The following PSMG4 variants were observed in gnomAD, a reference collection of about 807,000 sequenced individuals.
PSMG4 encodes the protein proteasome (prosome, macropain) assembly chaperone 4.
PSMG4 carries 10 observed loss-of-function variants against 11.0 expected under a neutral mutation model. The ratio of observed to expected loss-of-function variants is 0.91; its 90% CI spans 0.56 to 1.54. The LOEUF (loss-of-function observed/expected upper bound fraction) is 1.54, where lower values mean the gene tolerates loss of function less well. Among genes scored for constraint, PSMG4 ranks in the 40% most tolerant of loss-of-function variants. The pLI, the probability that PSMG4 is intolerant of heterozygous loss-of-function variation, is 0.00. For synonymous variants in PSMG4, 95 were observed against 71.3 expected (o/e 1.33, Z -1.68); for missense variants, 198 against 160.9 (o/e 1.23, Z -1.25).
intron 1 of PSMG4, among the ~76,000 whole-genome samples, chr6:3,259,969 TCTCA>T (rs1359583616): frequency 6.6e-6 from 1 of 152,216 alleles, no homozygotes; most frequent in Non-Finnish European, 1.5e-5. Context: ...AGACAAGGTC[TCTCA>T]CTGTCACCCA....
upstream of PSMG4, among the ~76,000 whole-genome samples, chr6:3,258,600 G>C (rs1253727369): frequency 6.6e-6 from 1 of 152,184 alleles, no homozygotes; most frequent in Non-Finnish European, 1.5e-5. Context: ...GTCACGGCCT[G>C]GGAGGACGGT....
upstream of PSMG4, among the ~76,000 whole-genome samples, chr6:3,256,042 C>T (rs549077419): frequency 1.1e-4 from 16 of 152,328 alleles, no homozygotes; most frequent in African/African-American, 3.6e-4. Flanking sequence ...TTGCCATCTT[C>T]CAGGACTTGA....
chr6:3,259,301 C>T (rs1290810936), intron 1 of PSMG4, 105 bp downstream of exon 1: 2 of 1,046,866 alleles, frequency 1.9e-6, no homozygotes, highest in Non-Finnish European at 2.4e-6. Flanking sequence ...CCACAGGGCG[C>T]CCTACTCCCC....
At chr6:3,264,018 T>C in intron 2 of PSMG4, 6 of 1,341,136 alleles carry the variant, frequency 4.5e-6, no homozygotes, top group Non-Finnish European at 6.0e-6. Flanking sequence ...CTTGAGTCCA[T>C]GAGCTGATTT....
At chr6:3,259,733 G>A (rs1757903716) in intron 1 of PSMG4, among the ~76,000 whole-genome samples, 1 of 152,140 alleles carries the variant, frequency 6.6e-6, no homozygotes, top group African/African-American at 2.4e-5. Flanking sequence ...TCCACGTGCT[G>A]AGTCCCTAGG....
At chr6:3,263,856 T>G (rs1184905439) in intron 2 of PSMG4, 97 bp downstream of exon 2, 2 of 1,496,450 alleles carry the variant, frequency 1.3e-6, no homozygotes, top group African/African-American at 2.8e-5. Flanking sequence ...AGCATCTTTA[T>G]GCTAAGAACC....
chr6:3,254,468 T>C (rs1300088855), upstream of PSMG4, among the ~76,000 whole-genome samples: 1 of 151,798 alleles, frequency 6.6e-6, no homozygotes, highest in Non-Finnish European at 1.5e-5. Context: ...TGTGTGTCTT[T>C]TTAGATAAAT....
chr6:3,255,145 G>C (rs1454485492), upstream of PSMG4: 2 of 1,551,042 alleles, frequency 1.3e-6, no homozygotes, highest in Admixed American at 3.9e-5. Context: ...CATTCTCTTT[G>C]AGGAGCAGGG....
upstream of PSMG4, among the ~76,000 whole-genome samples, chr6:3,254,808 GAC>G (rs1757690864): frequency 6.6e-6 from 1 of 152,164 alleles, no homozygotes; most frequent in Non-Finnish European, 1.5e-5. Context: ...AGAGCAACAA[GAC>G]ACCAATTCTG....
chr6:3,261,448 G>C (rs1368255029), intron 1 of PSMG4, among the ~76,000 whole-genome samples: 1 of 152,116 alleles, frequency 6.6e-6, no homozygotes, highest in Admixed American at 6.5e-5. Context: ...TGCTGGTTTG[G>C]GCTGGTAAGT....
upstream of PSMG4, among the ~76,000 whole-genome samples, chr6:3,258,114 C>G (rs567239347): frequency 6.6e-6 from 1 of 152,114 alleles, no homozygotes. Context: ...TCAAGGCTTC[C>G]TTTTCTCAAC....
At chr6:3,254,556 C>A (rs551505504), upstream of PSMG4, among the ~76,000 whole-genome samples, 4 of 151,746 alleles carry the variant, frequency 2.6e-5, no homozygotes, top group Non-Finnish European at 5.9e-5. Flanking sequence ...CAGATTTGTT[C>A]TCGGGGTTTG....
At chr6:3,263,957 C>T in intron 2 of PSMG4, 198 bp downstream of exon 2, 1 of 1,371,298 alleles carries the variant, frequency 7.3e-7, no homozygotes, top group Non-Finnish European at 9.7e-7. Context: ...TCACCACCGT[C>T]CCAGGGCTGG....
chr6:3,264,453 CTG>C (rs1758110471), intron 2 of PSMG4: 2 of 1,434,402 alleles, frequency 1.4e-6, no homozygotes, highest in South Asian at 1.5e-5. Context: ...GGAGTCTTCT[CTG>C]TGTCTCAGGC....
chr6:3,257,319 C>T (rs1020121217), upstream of PSMG4, among the ~76,000 whole-genome samples: 2 of 152,072 alleles, frequency 1.3e-5, no homozygotes, highest in African/African-American at 4.8e-5. Flanking sequence ...GTGTGTTTCC[C>T]GAGCAGTGAC....
At chr6:3,257,738 GTCATTACTGA>G (rs1561838701), upstream of PSMG4, among the ~76,000 whole-genome samples, 1 of 151,710 alleles carries the variant, frequency 6.6e-6, no homozygotes, top group Non-Finnish European at 1.5e-5. Context: ...GGGGGCAGGA[GTCATTACTGA>G]GGGCAGGAGG....
chr6:3,262,347 TTTC>T (rs1232732334), intron 1 of PSMG4, among the ~76,000 whole-genome samples: 1 of 152,218 alleles, frequency 6.6e-6, no homozygotes, highest in Admixed American at 6.5e-5. Context: ...TAAGGTAGAT[TTTC>T]TTTTTTCTAG....
At chr6:3,257,647 A>G (rs1450381409), upstream of PSMG4, among the ~76,000 whole-genome samples, 1 of 152,216 alleles carries the variant, frequency 6.6e-6, no homozygotes, top group African/African-American at 2.4e-5. Flanking sequence ...GACAAAAAAC[A>G]GTACATACTG....
intron 2 of PSMG4, chr6:3,265,593 G>A (rs1173491079): frequency 3.3e-5 from 5 of 152,278 alleles, no homozygotes; most frequent in Non-Finnish European, 7.3e-5. Flanking sequence ...ATAGGGCAGG[G>A]TGTGACTTAC....
Sources: allele counts gnomAD v4.1 joint callset (sites outside exome capture counted in the v4.1 genomes callset), GRCh38; gene constraint gnomAD v4.1.1; transcripts MANE v1.5; gene names NCBI Gene and HGNC (gene_info 2026-07-23, HGNC 2026-07-21).